Variants in UBXN7 observed in about 807,000 individuals in gnomAD.
UBXN7 encodes the protein UBX domain-containing protein 7.
UBXN7 carries 9 observed loss-of-function variants against 58.0 expected under a neutral mutation model. The ratio of observed to expected loss-of-function variants is 0.16; its 90% CI spans 0.09 to 0.27. UBXN7 has a LOEUF of 0.27. Ranked by LOEUF, UBXN7 falls within the 10% of genes least tolerant of loss-of-function variation. The pLI is 1.00. For missense variants in UBXN7, 328 were observed against 599.6 expected, an observed-to-expected ratio of 0.55 and a Z score of 4.73; for synonymous variants, 208 against 205.0, an observed-to-expected ratio of 1.01 and a Z score of -0.12.
chr3:196,391,731 C>T lies in UBXN7; in HGVS notation c.468+82G>A, dbSNP rs61101104. 6.4e-6 allele frequency: 7 copies of T among 1,088,486 alleles called. No individual in the cohort carries two copies. In the Admixed American group the frequency reaches 1.3e-4, roughly 20 times the overall value. 67.4% of individuals were successfully genotyped at this position (1,088,486 alleles called of 1,614,324 possible). ...CCTGGACGACAGAGCGAGACCTGCT[C>T]TAAAACAAGTAATTTTTTAAAAAAA... On this transcript the variant is annotated intron_variant, in intron 5 of 10. Coordinates refer to ENST00000296328, the MANE Select transcript of UBXN7 (RefSeq NM_015562.2).
intron 1 of UBXN7, among the ~76,000 whole-genome samples, chr3:196,410,991 T>C (rs1730306586): frequency 6.6e-6 from 1 of 152,138 alleles, no homozygotes; most frequent in African/African-American, 2.4e-5. Flanking sequence ...ATTACATGCT[T>C]AGAATGCCCT....
intron 1 of UBXN7, among the ~76,000 whole-genome samples, chr3:196,410,267 T>C (rs1223420033): frequency 1.3e-5 from 2 of 152,122 alleles, no homozygotes; most frequent in African/African-American, 4.8e-5. Flanking sequence ...ATACATACAT[T>C]CTTCAGCACT....
chr3:196,400,210 G>GAA (rs550933992), intron 3 of UBXN7: 3 of 127,360 alleles, frequency 2.4e-5, no homozygotes, highest in African/African-American at 2.9e-5. Context: ...CCCATCTTGG[G>GAA]AAAAAAAAAA....
intron 2 of UBXN7, among the ~76,000 whole-genome samples, chr3:196,405,054 C>T (rs562943500): frequency 2.6e-5 from 4 of 151,842 alleles, no homozygotes; most frequent in South Asian, 4.2e-4. Flanking sequence ...CTTGAGGCGC[C>T]GAGGTTGCTT....
intron 5 of UBXN7, among the ~76,000 whole-genome samples, chr3:196,384,544 A>G (rs1313025226): frequency 6.6e-6 from 1 of 152,218 alleles, no homozygotes; most frequent in Non-Finnish European, 1.5e-5. Context: ...TGATGCGAAA[A>G]TCCTCAATAA....
rs780982653 is a variant in UBXN7, at chr3:196,348,610, T to C, written c.*8075A>G. On this transcript the variant is annotated 3_prime_UTR_variant, in exon 11 of 11. Coordinates refer to ENST00000296328, the MANE Select transcript of UBXN7 (RefSeq NM_015562.2). ...TTAGGAACTGCTTTAGAAAACACTT[T>C]AAAGCAAATACCCCAAGTTGACTTC... 5 of 152,164 alleles carry C rather than the reference T, an allele frequency of 3.3e-5. No homozygotes were observed. Among genetic ancestry groups the C allele is most frequent in the Non-Finnish European group, 7.3e-5 (5 of 68,046 alleles). The allele number at this position is 152,164 out of a possible 1,614,324, so 9.4% of individuals were successfully genotyped here. A position where few individuals can be genotyped will look rare whatever the true frequency, so the allele number is the denominator to read the frequency against.
intron 8 of UBXN7, among the ~76,000 whole-genome samples, chr3:196,367,055 C>T (rs1167440679): frequency 1.3e-5 from 2 of 151,960 alleles, no homozygotes; most frequent in South Asian, 2.1e-4. Flanking sequence ...CAGTGGTGTA[C>T]GTCTGTAATC....
At position 196,350,328 on chromosome 3, in the gene UBXN7, A is replaced by G. The variant is rs1296378511; in HGVS notation, c.*6357T>C. The G allele has an allele frequency of 6.6e-6, 1 of 152,234 alleles. No homozygotes were observed. Among genetic ancestry groups the G allele is most frequent in the Non-Finnish European group, 1.5e-5 (1 of 68,038 alleles). 9.4% of individuals were successfully genotyped at this position (152,234 alleles called of 1,614,324 possible). ...TGGTAGGCCACAAAGAGGGTGGGGT[A>G]TCACAGAGCTAGCCATTCTCTATAT... On this transcript the variant is annotated 3_prime_UTR_variant, in exon 11 of 11. Coordinates refer to ENST00000296328, the MANE Select transcript of UBXN7 (RefSeq NM_015562.2).
At chr3:196,391,310 T>C (rs1290674618) in intron 5 of UBXN7, among the ~76,000 whole-genome samples, 1 of 152,166 alleles carries the variant, frequency 6.6e-6, no homozygotes, top group Non-Finnish European at 1.5e-5. Flanking sequence ...CTGGTAGAAA[T>C]ATATTTCATA....
chr3:196,356,711 T>C lies in UBXN7; in HGVS notation c.1444A>G (p.Thr482Ala), dbSNP rs1728358896. 6.2e-7 allele frequency: 1 copy of C among 1,607,030 alleles called. No individual in the cohort carries two copies. Among genetic ancestry groups the C allele is most frequent in the African/African-American group, 1.3e-5 (1 of 74,528 alleles). Reference sequence around the variant, plus strand: ...TAATTTCTTTCCTGTACAAAGACAGTCTCTTGAGGACAAAGGCCTGCCTCT... The same window carrying C: ...TAATTTCTTTCCTGTACAAAGACAGCCTCTTGAGGACAAAGGCCTGCCTCT... ...LQEAGLCPQE[T>A]VFVQERN Residue 482 changes from threonine to alanine, a missense_variant, in exon 11 of 11, where the codon ACT becomes GCT. Physicochemically the swap from Thr to Ala is moderately conservative, Grantham distance 58 (BLOSUM62 0). Around this residue, in one of 4 missense-constraint regions of UBXN7, gnomAD observed 30 missense variants for 94.8 expected, o/e 0.32. Coordinates refer to ENST00000296328, the MANE Select transcript of UBXN7 (RefSeq NM_015562.2).
intron 2 of UBXN7, among the ~76,000 whole-genome samples, chr3:196,406,503 G>T (rs560240676): frequency 6.6e-6 from 1 of 151,842 alleles, no homozygotes; most frequent in Admixed American, 6.6e-5. Flanking sequence ...GTAGTGGCAC[G>T]ATCTCTGGTC....
intron 1 of UBXN7, among the ~76,000 whole-genome samples, chr3:196,413,465 C>G (rs1232308892): frequency 1.3e-5 from 2 of 152,178 alleles, no homozygotes; most frequent in African/African-American, 4.8e-5. Context: ...TGCCTTTTAT[C>G]TAGGTATATA....
At chr3:196,401,861 A>AGAAGAGAAGAGAAGAGAAGAGAAGAGAAG (rs1560235910) in intron 3 of UBXN7, among the ~76,000 whole-genome samples, 4 of 150,798 alleles carry the variant, frequency 2.7e-5, no homozygotes, top group African/African-American at 9.7e-5. Flanking sequence ...AGAAGAGAAG[A>AGAAGAGAAGAGAAGAGAAGAGAAGAGAAG]AAAACTACCT....
At chr3:196,368,653 T>C (rs562470436) in intron 7 of UBXN7, among the ~76,000 whole-genome samples, 13 of 152,310 alleles carry the variant, frequency 8.5e-5, no homozygotes, top group Non-Finnish European at 1.9e-4. Context: ...AGGGCAACTA[T>C]CTTATCTGCT....
intron 1 of UBXN7, among the ~76,000 whole-genome samples, chr3:196,410,784 T>G (rs575494542): frequency 6.6e-6 from 1 of 151,008 alleles, no homozygotes; most frequent in Non-Finnish European, 1.5e-5. Context: ...ATTACACCAC[T>G]GCACTCCAGC....
chr3:196,418,097 C>T (rs1235111449), intron 1 of UBXN7, among the ~76,000 whole-genome samples: 4 of 151,834 alleles, frequency 2.6e-5, no homozygotes, highest in African/African-American at 7.3e-5. Context: ...ATTAGCTGGG[C>T]GTGATGGTGG....
intron 5 of UBXN7, among the ~76,000 whole-genome samples, chr3:196,388,491 C>G (rs1460850766): frequency 6.7e-6 from 1 of 148,712 alleles, no homozygotes; most frequent in Non-Finnish European, 1.5e-5. Context: ...TTTTTCCAGT[C>G]TCTCTCACAT....
intron 1 of UBXN7, among the ~76,000 whole-genome samples, chr3:196,420,421 C>T (rs931784286): frequency 7.9e-5 from 12 of 151,548 alleles, no homozygotes; most frequent in African/African-American, 2.7e-4. Flanking sequence ...ACCCCAGCTA[C>T]TGAGGAGTCT....
chr3:196,386,321 T>C (rs1729394151), intron 5 of UBXN7, among the ~76,000 whole-genome samples: 1 of 141,260 alleles, frequency 7.1e-6, no homozygotes, highest in Non-Finnish European at 1.5e-5. Context: ...TCCACTACTG[T>C]CCTATGACCC....
Sources: allele counts gnomAD v4.1 joint callset (sites outside exome capture counted in the v4.1 genomes callset), GRCh38; gene constraint gnomAD v4.1.1; regional missense constraint gnomAD v4.1.1; transcripts MANE v1.5; gene names NCBI Gene and HGNC (gene_info 2026-07-23, HGNC 2026-07-21).